WDR27: variants seen among roughly 807,000 people sequenced by gnomAD.
The protein encoded by WDR27 is WD repeat-containing protein 27.
In WDR27, 100 loss-of-function variants were observed where a neutral mutation model predicts 114.4. That is an observed-to-expected ratio of 0.87 (90% CI 0.74 to 1.03). WDR27 has a LOEUF of 1.03. WDR27 is among the 50% of genes least tolerant of loss of function. The probability of loss-of-function intolerance (pLI) is 0.00; values close to 1 mark genes in which losing one functional copy is unlikely to be tolerated. For synonymous variants in WDR27, 449 were observed against 423.1 expected, an observed-to-expected ratio of 1.06 and a Z score of -0.75; for missense variants, 1,129 against 1,092.9, an observed-to-expected ratio of 1.03 and a Z score of -0.47.
rs908458596 is a variant in WDR27 at position 169,620,674 on chromosome 6, G to T, written c.2224-7018C>A. ...CTCCCTAAAATGTATAAAACCAAGC[G>T]GTGCCCCGACCACCATCGTCAGGAA... On this transcript the variant is annotated intron_variant, in intron 21 of 25. Transcript: ENST00000448612. Among the ~76,000 whole-genome samples, 4 of 152,222 alleles carry T rather than the reference G, an allele frequency of 2.6e-5. No homozygotes were observed. In the East Asian group the frequency reaches 5.8e-4, roughly 22 times the overall value.
At chr6:169,438,978 T>C in the WDR27 span, among the ~76,000 whole-genome samples, 1 of 152,312 alleles carries the variant, frequency 6.6e-6, no homozygotes, top group Non-Finnish European at 1.5e-5. Flanking sequence ...TGACATCTGA[T>C]TATATTTTAA....
chr6:169,507,555 C>T (rs1166417987), intron 25 of WDR27, among the ~76,000 whole-genome samples: 3 of 152,154 alleles, frequency 2.0e-5, no homozygotes, highest in Non-Finnish European at 4.4e-5. Context: ...AGATCCCTCA[C>T]CCAGGACAGA....
At chr6:169,683,322 A>G (rs1284939903) in intron 2 of WDR27, among the ~76,000 whole-genome samples, 1 of 152,190 alleles carries the variant, frequency 6.6e-6, no homozygotes, top group African/African-American at 2.4e-5. Context: ...AAATAAGTAA[A>G]TAACATACAA....
In WDR27 at chr6:169,457,914, C is replaced by T. The variant is rs77336647; in HGVS notation, c.2646-280G>A. Among the ~76,000 whole-genome samples, 233 of 150,064 alleles carry T rather than the reference C, an allele frequency of 1.6e-3. 3 individuals are homozygous for T. The East Asian group carries it at 0.032, about 21-fold the overall frequency. On this transcript the variant is annotated intron_variant, in intron 25 of 25. Transcript: ENST00000448612. ...AAAGGGCATGGAACATCCTGGTTAG[C>T]GCCTACACACCTCCTTCCAGGCAGA...
At chr6:169,547,414 C>T (rs938127766) in intron 25 of WDR27, among the ~76,000 whole-genome samples, 24 of 151,978 alleles carry the variant, frequency 1.6e-4, no homozygotes, top group African/African-American at 5.6e-4. Flanking sequence ...TAGACAGATG[C>T]AAAAATCCTC....
chr6:169,448,645 G>T, the WDR27 span, among the ~76,000 whole-genome samples: 3 of 152,126 alleles, frequency 2.0e-5, no homozygotes, highest in Non-Finnish European at 4.4e-5. Context: ...TGTGCCCCTG[G>T]TGAGAAGAGG....
At chr6:169,509,389 G>A in intron 25 of WDR27, among the ~76,000 whole-genome samples, 1 of 152,134 alleles carries the variant, frequency 6.6e-6, no homozygotes. Context: ...ATACTACAAG[G>A]CTACAGTAAC....
At chr6:169,622,379 T>C (rs146137848) in intron 21 of WDR27, among the ~76,000 whole-genome samples, 1 of 152,138 alleles carries the variant, frequency 6.6e-6, no homozygotes, top group African/African-American at 2.4e-5. Context: ...CTGCCTCAGA[T>C]GTTCAGGGTT....
chr6:169,565,029 C>G (rs915372819), intron 25 of WDR27, among the ~76,000 whole-genome samples: 1 of 152,160 alleles, frequency 6.6e-6, no homozygotes, highest in Middle Eastern at 3.5e-3. Context: ...CTCCCTTCCA[C>G]CAGCCTGAAG....
intron 25 of WDR27, among the ~76,000 whole-genome samples, chr6:169,526,009 A>G (rs144993693): frequency 5.1e-4 from 78 of 152,288 alleles, no homozygotes; most frequent in African/African-American, 1.7e-3. Flanking sequence ...ATTCCCCCTC[A>G]TATGTGGAGG....
At chr6:169,549,529 CCA>C (rs1797842359) in intron 25 of WDR27, among the ~76,000 whole-genome samples, 1 of 152,088 alleles carries the variant, frequency 6.6e-6, no homozygotes, top group African/African-American at 2.4e-5. Context: ...TTGGTATTTA[CCA>C]AAATAAGCTG....
intron 25 of WDR27, among the ~76,000 whole-genome samples, chr6:169,514,731 G>A (rs558733174): frequency 9.3e-5 from 13 of 140,478 alleles, no homozygotes; most frequent in East Asian, 2.0e-4. Context: ...CATTCTAATC[G>A]TTCTTACTAT....
chr6:169,636,426 G>T lies in WDR27; in HGVS notation c.1948C>A (p.Pro650Thr), dbSNP rs1175114934. 5 of 1,613,636 alleles carry T rather than the reference G, an allele frequency of 3.1e-6. No homozygotes were observed. The highest frequency in any genetic ancestry group is 1.3e-5 in the African/African-American group (1 of 74,844). The change falls in exon 19 of 26, where the codon CCT becomes ACT. Residue 650 changes from proline (P) to threonine (T), a missense_variant. Physicochemically the swap from Pro to Thr is conservative, Grantham distance 38. Coordinates refer to ENST00000448612, the MANE Select transcript of WDR27 (RefSeq NM_182552.5). ...TGATACCTCAGTAGCTGAAATTCAGGGCCAGAAGATAACAATATAAAGGCA... is the reference window on the plus strand; with the variant it reads ...TGATACCTCAGTAGCTGAAATTCAGTGCCAGAAGATAACAATATAAAGGCA... ...IDAFILLSSGPEFQLLRYHID... is the reference protein window; with the variant it reads ...IDAFILLSSGTEFQLLRYHID...
In WDR27 at chr6:169,680,538, C is replaced by T. The variant is rs1009525585; in HGVS notation, c.190-8142G>A. On this transcript the variant is annotated intron_variant, in intron 2 of 25. Transcript: ENST00000448612. ...CGGAGCTTGCAGTGAGCCAAGATTG[C>T]GCCACTGCACTCCAGCCTGGGTGAC... 6.6e-5 allele frequency among the ~76,000 whole-genome samples: 10 copies of T among 152,108 alleles called. 1 individual carries two copies. The highest frequency in any genetic ancestry group is 1.9e-4 in the African/African-American group (8 of 41,436).
intron 23 of WDR27, among the ~76,000 whole-genome samples, chr6:169,588,535 T>G (rs556088098): frequency 1.3e-5 from 2 of 152,342 alleles, no homozygotes; most frequent in East Asian, 3.9e-4. Context: ...AGTGGACCCG[T>G]GCATTTCAAA....
chr6:169,615,527 A>C (rs1811604745), intron 21 of WDR27, among the ~76,000 whole-genome samples: 1 of 152,188 alleles, frequency 6.6e-6, no homozygotes, highest in Non-Finnish European at 1.5e-5. Flanking sequence ...AAAAACAAGC[A>C]ATGGGGAAAG....
chr6:169,621,557 C>T (rs544409213), intron 21 of WDR27, among the ~76,000 whole-genome samples: 16 of 151,920 alleles, frequency 1.1e-4, no homozygotes, highest in East Asian at 3.9e-4. Context: ...CATACACACA[C>T]GCATTCATGC....
intron 25 of WDR27, among the ~76,000 whole-genome samples, chr6:169,567,414 G>A (rs755889015): frequency 5.3e-5 from 8 of 152,132 alleles, no homozygotes; most frequent in Non-Finnish European, 8.8e-5. Context: ...GAAATTCCCA[G>A]TAAGATGTCC....
rs1786376595 is a variant in WDR27 at position 169,471,414 on chromosome 6, T to C, written c.2646-13780A>G. Among the ~76,000 whole-genome samples, 5 of 151,844 alleles carry C rather than the reference T, an allele frequency of 3.3e-5. No individual in the cohort carries two copies. In the South Asian group the frequency reaches 1.0e-3, roughly 32 times the overall value. On this transcript the variant is annotated intron_variant, in intron 25 of 25. Transcript: ENST00000448612. ...CAGGTGTCTTTCTGCCCTCAAAGAGTAGTAGATTTTATTTTTTTAAATTAA... is the reference window on the plus strand; with the variant it reads ...CAGGTGTCTTTCTGCCCTCAAAGAGCAGTAGATTTTATTTTTTTAAATTAA...
Sources: allele counts gnomAD v4.1 joint callset (sites outside exome capture counted in the v4.1 genomes callset), GRCh38; gene constraint gnomAD v4.1.1; transcripts MANE v1.5; gene names NCBI Gene and HGNC (gene_info 2026-07-23, HGNC 2026-07-21).